The following RPS6KB1 variants were observed in gnomAD, a reference collection of about 807,000 sequenced individuals.
RPS6KB1 encodes ribosomal protein S6 kinase beta-1.
Under a neutral mutation model 70.2 loss-of-function variants are expected in RPS6KB1, and 12 were observed. The observed-to-expected ratio is 0.17, with a 90% CI of 0.11 to 0.28. RPS6KB1 has a LOEUF of 0.28. Among genes scored for constraint, RPS6KB1 ranks in the 10% least tolerant of loss-of-function variants. The pLI is 1.00. For synonymous variants in RPS6KB1, 175 were observed against 211.2 expected (o/e 0.83, Z 1.49); for missense variants, 270 against 646.6 (o/e 0.42, Z 6.32).
At chr17:59,898,965 G>A (rs1230705633) in intron 1 of RPS6KB1, among the ~76,000 whole-genome samples, 1 of 151,612 alleles carries the variant, frequency 6.6e-6, no homozygotes, top group Non-Finnish European at 1.5e-5. Context: ...CACTTTGGGA[G>A]GCCAAGGTGG....
rs35207575 is a variant in RPS6KB1, at chr17:59,918,829, C to CT, written c.381+4146dup. 6.6e-3 allele frequency among the ~76,000 whole-genome samples: 783 copies of CT among 119,074 alleles called. 5 individuals carry two copies. Among genetic ancestry groups the CT allele is most frequent in the African/African-American group, 0.014 (449 of 31,980 alleles). The allele number at this position is 119,074 out of a possible 152,430, so 78.1% of individuals were successfully genotyped here. Reference sequence around the variant, plus strand: ...TGTCTGGTGTCATTCACTGATTATTCTTTTTTTTTTTTTTTTTTTTGAGTT... The same window carrying CT: ...TGTCTGGTGTCATTCACTGATTATTCTTTTTTTTTTTTTTTTTTTTTGAGTT... On this transcript the variant is annotated intron_variant, in intron 4 of 14. Transcript: ENST00000225577.
At chr17:59,912,102 T>C (rs143795144) in intron 2 of RPS6KB1, 1 of 152,710 alleles carries the variant, frequency 6.5e-6, no homozygotes, top group East Asian at 1.9e-4. Context: ...GTCAACTTAA[T>C]GAACTTTTTC....
In RPS6KB1 at chr17:59,947,265, A is replaced by G; in HGVS notation, c.*477A>G. 1 of 1,028,508 alleles carries G rather than the reference A, an allele frequency of 9.7e-7. No homozygotes were observed. The highest frequency in any genetic ancestry group is 4.6e-4 in the Middle Eastern group (1 of 2,188). The allele number at this position is 1,028,508 out of a possible 1,614,324, so 63.7% of individuals were successfully genotyped here. On this transcript the variant is annotated 3_prime_UTR_variant, in exon 15 of 15. Coordinates refer to ENST00000225577, the MANE Select transcript of RPS6KB1 (RefSeq NM_003161.4). The stretch of plus-strand genomic sequence containing the variant: ...AAGCAAAGACAAAAGAAACTTACCA[A>G]TTGATGTTTTACGTGCAAACAACCT...
chr17:59,922,866 T>G (rs2043359207), intron 4 of RPS6KB1, among the ~76,000 whole-genome samples: 1 of 135,382 alleles, frequency 7.4e-6, no homozygotes, highest in African/African-American at 2.7e-5. Context: ...TTAAAAAAAT[T>G]TGTTTGTTTT....
chr17:59,927,880 C>T (rs1231289420), intron 5 of RPS6KB1, among the ~76,000 whole-genome samples: 2 of 151,630 alleles, frequency 1.3e-5, no homozygotes, highest in Non-Finnish European at 2.9e-5. Flanking sequence ...AATTCCTATG[C>T]CAGGCTCAGT....
intron 4 of RPS6KB1, among the ~76,000 whole-genome samples, chr17:59,923,933 A>G (rs2043432738): frequency 6.6e-6 from 1 of 152,240 alleles, no homozygotes; most frequent in South Asian, 2.1e-4. Flanking sequence ...TGTAATACCA[A>G]TAGTATTTCC....
intron 1 of RPS6KB1, among the ~76,000 whole-genome samples, chr17:59,903,658 C>T (rs1474407211): frequency 1.3e-5 from 2 of 152,078 alleles, no homozygotes; most frequent in African/African-American, 4.8e-5. Context: ...ATTTTACATT[C>T]TCACTAGCAC....
Position 59,910,630 on chromosome 17 carries a change from A to AT in RPS6KB1, c.191+23dup, listed in dbSNP as rs1373307561. ...ATGAACTGTAAGTTTATATGAAGAG[A>AT]TTTTCATTGTGTTGTCTTTCTTACA... On this transcript the variant is annotated intron_variant, in intron 2 of 14. Coordinates refer to ENST00000225577, the MANE Select transcript of RPS6KB1 (RefSeq NM_003161.4). 2 of 1,519,782 alleles carry AT rather than the reference A, an allele frequency of 1.3e-6. No homozygotes were observed. Among genetic ancestry groups the AT allele is most frequent in the Non-Finnish European group, 1.8e-6 (2 of 1,105,030 alleles). The allele number at this position is 1,519,782 out of a possible 1,614,324, so 94.1% of individuals were successfully genotyped here.
In RPS6KB1 at chr17:59,947,649, T is replaced by G. The variant is rs1311341223; in HGVS notation, c.*861T>G. 1 of 1,043,656 alleles carries G rather than the reference T, an allele frequency of 9.6e-7. No homozygotes were observed. The highest frequency in any genetic ancestry group is 2.6e-5 in the East Asian group (1 of 38,620). 64.6% of individuals were successfully genotyped at this position (1,043,656 alleles called of 1,614,324 possible). A position where few individuals can be genotyped will look rare whatever the true frequency, so the allele number is the denominator to read the frequency against. On this transcript the variant is annotated 3_prime_UTR_variant, in exon 15 of 15. Coordinates refer to ENST00000225577, the MANE Select transcript of RPS6KB1 (RefSeq NM_003161.4). ...TGGGCATAAGTTGTATGTCCTACAT[T>G]TCATCATTGTCCCGGGCCTGCATTG...
At chr17:59,928,260 A>G (rs2043736608) in intron 5 of RPS6KB1, among the ~76,000 whole-genome samples, 1 of 152,148 alleles carries the variant, frequency 6.6e-6, no homozygotes, top group Non-Finnish European at 1.5e-5. Flanking sequence ...TCCTATGTAT[A>G]TGTATATATG....
intron 1 of RPS6KB1, among the ~76,000 whole-genome samples, chr17:59,898,654 A>C (rs1446494969): frequency 6.6e-6 from 1 of 151,554 alleles, no homozygotes; most frequent in Non-Finnish European, 1.5e-5. Flanking sequence ...ACGGGGTTTC[A>C]CCATGTTGGC....
At chr17:59,938,191 G>T (rs868692185) in intron 12 of RPS6KB1, among the ~76,000 whole-genome samples, 4 of 143,324 alleles carry the variant, frequency 2.8e-5, no homozygotes, top group South Asian at 2.2e-4. Flanking sequence ...TTTTGGGGGG[G>T]GGATAGGGTC....
At position 59,946,833 on chromosome 17, in the gene RPS6KB1, G is replaced by GGAGAT. The variant is rs749333926; in HGVS notation, c.*47_*51dup. On this transcript the variant is annotated 3_prime_UTR_variant, in exon 15 of 15. Transcript: ENST00000225577. This position sits in a 1 kb window ranked among gnomAD's most constrained non-coding sequence, Gnocchi z 4.2. ...AATTTAAGGCAAAAAAGGTGGAGAG[G>GGAGAT]GAGATGTGTGAGCATCCTGCAAGGT... 6.2e-7 allele frequency: 1 copy of GGAGAT among 1,606,636 alleles called. No homozygotes were observed. Among genetic ancestry groups the GGAGAT allele is most frequent in the Non-Finnish European group, 8.5e-7 (1 of 1,175,362 alleles).
Position 59,947,441 on chromosome 17 carries a change from A to G in RPS6KB1, c.*653A>G. On this transcript the variant is annotated 3_prime_UTR_variant, in exon 15 of 15. Transcript: ENST00000225577. ...TTTCTTCTCTTGGTGAAATAATAAA[A>G]TGCAAATGAATCATTGTTAACCACA... The G allele has an allele frequency of 7.7e-7, 1 of 1,296,626 alleles. No individual in the cohort carries two copies. The highest frequency in any genetic ancestry group is 9.9e-7 in the Non-Finnish European group (1 of 1,014,908). 80.3% of individuals were successfully genotyped at this position (1,296,626 alleles called of 1,614,324 possible). A position where few individuals can be genotyped will look rare whatever the true frequency, so the allele number is the denominator to read the frequency against.
At chr17:59,944,930 C>G (rs1400865475) in intron 13 of RPS6KB1, among the ~76,000 whole-genome samples, 1 of 151,802 alleles carries the variant, frequency 6.6e-6, no homozygotes, top group Non-Finnish European at 1.5e-5. Flanking sequence ...TCCCGAGTAG[C>G]TGGGATTACA....
chr17:59,932,248 A>C (rs566905533), intron 7 of RPS6KB1, among the ~76,000 whole-genome samples: 50 of 108,818 alleles, frequency 4.6e-4, no homozygotes, highest in African/African-American at 2.0e-3. Flanking sequence ...ACAAAAATAC[A>C]AAAAAAAAAA....
intron 1 of RPS6KB1, among the ~76,000 whole-genome samples, chr17:59,900,001 C>T (rs565245145): frequency 6.6e-6 from 1 of 151,880 alleles, no homozygotes; most frequent in East Asian, 1.9e-4. Flanking sequence ...CCTATCTGTA[C>T]AAAAAATTAA....
chr17:59,936,228 A>T lies in RPS6KB1; in HGVS notation c.992A>T (p.Asn331Ile). The change falls in exon 11 of 15, where the codon AAT (asparagine) becomes ATT (isoleucine). Residue 331 changes from asparagine (N) to isoleucine (I), a missense_variant. This residue lies in a region of RPS6KB1 where 133 missense variants were observed against 314.7 expected (regional missense o/e 0.42). Coordinates refer to ENST00000225577, the MANE Select transcript of RPS6KB1 (RefSeq NM_003161.4). ...RDLLKKLLKR[N>I]AASRLGAGPG... ...TCCTCTTTAAAGCTGCTGAAAAGAA[A>T]TGCTGCTTCTCGTCTGGGAGCTGGT... The T allele has an allele frequency of 6.3e-7, 1 of 1,596,156 alleles. No individual in the cohort carries two copies. The highest frequency in any genetic ancestry group is 8.5e-7 in the Non-Finnish European group (1 of 1,175,846).
chr17:59,950,439 ATTTT>A lies in RPS6KB1; in HGVS notation c.*3655_*3658del, dbSNP rs998186180. On this transcript the variant is annotated 3_prime_UTR_variant, in exon 15 of 15. Transcript: ENST00000225577. ...GAATGAACATAAATAGAAGTGATTTATTTTTTTATTATCTTAAAGATAGGAAGGA... is the reference window on the plus strand; with the variant it reads ...GAATGAACATAAATAGAAGTGATTTATTTATTATCTTAAAGATAGGAAGGA... The A allele has an allele frequency of 6.6e-6, 1 of 152,512 alleles. No individual in the cohort carries two copies. Among genetic ancestry groups the A allele is most frequent in the African/African-American group, 2.4e-5 (1 of 41,432 alleles). 9.4% of individuals were successfully genotyped at this position (152,512 alleles called of 1,614,324 possible). A position where few individuals can be genotyped will look rare whatever the true frequency, so the allele number is the denominator to read the frequency against.
Sources: allele counts gnomAD v4.1 joint callset (sites outside exome capture counted in the v4.1 genomes callset), GRCh38; gene constraint gnomAD v4.1.1; regional missense constraint gnomAD v4.1.1; non-coding constraint Gnocchi (gnomAD v3.1); transcripts MANE v1.5; gene names NCBI Gene and HGNC (gene_info 2026-07-23, HGNC 2026-07-21).